RBM4: variants seen among roughly 807,000 people sequenced by gnomAD.
RBM4 encodes RNA binding motif protein 4.
RBM4 carries 7 observed loss-of-function variants against 29.5 expected under a neutral mutation model. The ratio of observed to expected loss-of-function variants is 0.24; its 90% CI spans 0.14 to 0.45. The LOEUF is 0.45. RBM4 is among the 20% of genes least tolerant of loss of function. The pLI, the probability that RBM4 is intolerant of heterozygous loss-of-function variation, is 1.00. For missense variants in RBM4, 387 were observed against 502.3 expected, an observed-to-expected ratio of 0.77 and a Z score of 2.19; for synonymous variants, 220 against 205.4, an observed-to-expected ratio of 1.07 and a Z score of -0.61.
downstream of RBM4, among the ~76,000 whole-genome samples, chr11:66,647,468 G>A (rs376637761): frequency 1.6e-4 from 25 of 152,162 alleles, no homozygotes; most frequent in South Asian, 5.2e-3. Context: ...TGGGTGTTTC[G>A]TGTTCTCATT....
downstream of RBM4, among the ~76,000 whole-genome samples, chr11:66,650,769 A>G (rs1000847861): frequency 1.3e-5 from 2 of 152,020 alleles, no homozygotes; most frequent in Non-Finnish European, 2.9e-5. Flanking sequence ...AGGCTGAGGC[A>G]GGAGAATGGC....
At chr11:66,646,576 C>A, downstream of RBM4, 1 of 982,704 alleles carries the variant, frequency 1.0e-6, no homozygotes, top group Non-Finnish European at 1.2e-6. Flanking sequence ...GGGTGAACGT[C>A]ACTGTAGTTA....
At chr11:66,651,319 CAGT>C (rs959498214), downstream of RBM4, among the ~76,000 whole-genome samples, 3 of 151,566 alleles carry the variant, frequency 2.0e-5, no homozygotes, top group Non-Finnish European at 4.4e-5. Flanking sequence ...ATTTGGAGAA[CAGT>C]AGTCCAGGTT....
At chr11:66,649,119 GCCT>G (rs1565084235), downstream of RBM4, among the ~76,000 whole-genome samples, 7 of 152,066 alleles carry the variant, frequency 4.6e-5, no homozygotes, top group Non-Finnish European at 8.8e-5. Flanking sequence ...TGATTCTCCT[GCCT>G]CAGCCTCCTG....
exon 3 of RBM4, chr11:66,667,478 T>G (rs1443197585): frequency 6.6e-6 from 1 of 152,080 alleles, no homozygotes; most frequent in Non-Finnish European, 1.5e-5. Context: ...CAGGTCCAAA[T>G]GACAGCATAA....
At chr11:66,640,335 C>A in intron 2 of RBM4, 1 of 664,854 alleles carries the variant, frequency 1.5e-6, no homozygotes, top group Non-Finnish European at 2.5e-6. Context: ...AGCCACTCAC[C>A]TTTTATTTGG....
At chr11:66,654,926 G>GA (rs1375093631) in intron 2 of RBM4, among the ~76,000 whole-genome samples, 3 of 151,878 alleles carry the variant, frequency 2.0e-5, no homozygotes, top group African/African-American at 7.3e-5. Context: ...CCAGGTTCAA[G>GA]TGATTCTTCT....
At chr11:66,645,431 AG>A (rs1429804491) in intron 3 of RBM4, among the ~76,000 whole-genome samples, 1 of 152,176 alleles carries the variant, frequency 6.6e-6, no homozygotes, top group African/African-American at 2.4e-5. Flanking sequence ...GTCATTGGGT[AG>A]GCAGTCACTG....
intron 2 of RBM4, among the ~76,000 whole-genome samples, chr11:66,652,114 AAT>A (rs1938845112): frequency 6.7e-6 from 1 of 149,832 alleles, no homozygotes. Context: ...GAAATGAAAA[AAT>A]TTTTTTTTTT....
chr11:66,654,981 C>T (rs551103818), intron 2 of RBM4, among the ~76,000 whole-genome samples: 15 of 152,064 alleles, frequency 9.9e-5, no homozygotes, highest in Admixed American at 8.5e-4. Context: ...CATACCACCA[C>T]GCCCAGCTAA....
chr11:66,643,937 C>T lies in RBM4; in HGVS notation c.900C>T (p.Ser300=), dbSNP rs1394735143. The change falls in exon 3 of 4, where the codon TCC becomes TCT. Residue 300 remains serine, a synonymous_variant. Transcript: ENST00000310092. This position sits in a 1 kb window ranked among gnomAD's most constrained non-coding sequence, Gnocchi z 6.1. Reference sequence around the variant, plus strand: ...CCGCTGCTGCTGTTACTGCAGCTTCCACTTCATATTACGGGCGGGATCGGA... The same window carrying T: ...CCGCTGCTGCTGTTACTGCAGCTTCTACTTCATATTACGGGCGGGATCGGA... ...AAAAAAVTAA[S]TSYYGRDRSP... The T allele has an allele frequency of 6.2e-7, 1 of 1,613,372 alleles. No homozygotes were observed. The highest frequency in any genetic ancestry group is 8.5e-7 in the Non-Finnish European group (1 of 1,179,988).
At chr11:66,655,212 C>T (rs555608420) in intron 2 of RBM4, among the ~76,000 whole-genome samples, 1 of 152,080 alleles carries the variant, frequency 6.6e-6, no homozygotes, top group Non-Finnish European at 1.5e-5. Flanking sequence ...TTTCGAACTC[C>T]TGACTTCAGG....
intron 2 of RBM4, among the ~76,000 whole-genome samples, chr11:66,655,375 C>T (rs1938928128): frequency 6.6e-6 from 1 of 151,848 alleles, no homozygotes; most frequent in Non-Finnish European, 1.5e-5. Flanking sequence ...CTGCAACCTC[C>T]ACCTCCCAGT....
chr11:66,663,741 CT>C (rs1939134486), intron 2 of RBM4, among the ~76,000 whole-genome samples: 1 of 146,654 alleles, frequency 6.8e-6, no homozygotes, highest in African/African-American at 2.5e-5. Flanking sequence ...TATATGTTTT[CT>C]TTTTGTTTTG....
chr11:66,664,585 T>A (rs551222588), intron 2 of RBM4, among the ~76,000 whole-genome samples: 1 of 152,156 alleles, frequency 6.6e-6, no homozygotes, highest in Non-Finnish European at 1.5e-5. Flanking sequence ...CTCAGCCTCC[T>A]GAGTAGCTGG....
chr11:66,646,166 T>G lies in RBM4; in HGVS notation c.*148T>G. 1 of 1,514,094 alleles carries G rather than the reference T, an allele frequency of 6.6e-7. No individual in the cohort carries two copies. The highest frequency in any genetic ancestry group is 8.8e-7 in the Non-Finnish European group (1 of 1,134,012). The allele number at this position is 1,514,094 out of a possible 1,614,324, so 93.8% of individuals were successfully genotyped here. On this transcript the variant is annotated 3_prime_UTR_variant, in exon 4 of 4. Coordinates refer to ENST00000310092, the MANE Select transcript of RBM4 (RefSeq NM_002896.4). ...GTGGACCTTAATTTACCTTGCTAAGTTCAGACCTTCTCTTCCTTTCCTTTC... is the reference window on the plus strand; with the variant it reads ...GTGGACCTTAATTTACCTTGCTAAGGTCAGACCTTCTCTTCCTTTCCTTTC...
chr11:66,659,263 C>CTCTTT (rs1416889814), intron 2 of RBM4, among the ~76,000 whole-genome samples: 1 of 67,308 alleles, frequency 1.5e-5, no homozygotes, highest in East Asian at 4.8e-4. Context: ...CTTCTTGGTT[C>CTCTTT]TTTTTTTTTT....
At chr11:66,645,367 G>T (rs1354187326) in intron 3 of RBM4, among the ~76,000 whole-genome samples, 1 of 152,212 alleles carries the variant, frequency 6.6e-6, no homozygotes. Flanking sequence ...CTGTGTGAGT[G>T]ATAGATAACT....
chr11:66,666,235 G>C (rs1419143257), exon 3 of RBM4: 2 of 961,788 alleles, frequency 2.1e-6, no homozygotes, highest in East Asian at 4.7e-5. Flanking sequence ...GGGAACTCCA[G>C]ACACCAATGG....
Sources: gnomAD v4.1 joint callset for allele counts (sites outside exome capture counted in the v4.1 genomes callset) on GRCh38, gnomAD v4.1.1 for gene constraint, Gnocchi (gnomAD v3.1) non-coding constraint, MANE v1.5 for transcripts, NCBI Gene and HGNC (gene_info 2026-07-23, HGNC 2026-07-21) for gene names.